Variants in TPCN2 observed in about 807,000 individuals in gnomAD.
TPCN2 encodes the protein two pore segment channel 2.
TPCN2 carries 92 observed loss-of-function variants against 111.4 expected under a neutral mutation model. The ratio of observed to expected loss-of-function variants is 0.83; its 90% CI spans 0.70 to 0.98. The LOEUF (loss-of-function observed/expected upper bound fraction) is 0.98. Among genes scored for constraint, TPCN2 ranks in the 50% least tolerant of loss-of-function variants. The pLI is 0.00. For synonymous variants in TPCN2, 405 were observed against 414.5 expected, an observed-to-expected ratio of 0.98 and a Z score of 0.28; for missense variants, 995 against 980.1, an observed-to-expected ratio of 1.02 and a Z score of -0.20.
chr11:69,082,120 C>T (rs1236588875), intron 18 of TPCN2, among the ~76,000 whole-genome samples: 1 of 152,224 alleles, frequency 6.6e-6, no homozygotes, highest in Non-Finnish European at 1.5e-5. Flanking sequence ...GCACCTGTCC[C>T]ACCTGACAGT....
At chr11:69,060,691 TG>T (rs919852171) in intron 5 of TPCN2, among the ~76,000 whole-genome samples, 7 of 152,074 alleles carry the variant, frequency 4.6e-5, no homozygotes, top group African/African-American at 1.7e-4. Context: ...CTCTTGTGTC[TG>T]GGGAAGCTGT....
At chr11:69,054,498 C>T (rs1854653711) in intron 2 of TPCN2, 1 of 582,986 alleles carries the variant, frequency 1.7e-6, no homozygotes, top group Non-Finnish European at 3.1e-6. Context: ...ACGCACCCAC[C>T]CACCCCGGGT....
At chr11:69,062,408 T>C (rs1006306225) in intron 5 of TPCN2, among the ~76,000 whole-genome samples, 15 of 149,336 alleles carry the variant, frequency 1.0e-4, no homozygotes, top group African/African-American at 3.5e-4. Flanking sequence ...GTGGGGCTCC[T>C]GGAGGCAGGG....
intron 13 of TPCN2, among the ~76,000 whole-genome samples, chr11:69,074,176 T>G (rs1472297417): frequency 6.6e-6 from 1 of 152,180 alleles, no homozygotes; most frequent in East Asian, 1.9e-4. Context: ...CAGAGGTGGT[T>G]CTCTAAAAAA....
Position 69,054,027 on chromosome 11 carries a change from C to T in TPCN2, c.110-6C>T, listed in dbSNP as rs781452582. Reference sequence around the variant, plus strand: ...CGGTCACCTGATGTGTCCCCTCTGCCTGCAGGTGCCGCGGCCAGGTGGGAC... The same window carrying T: ...CGGTCACCTGATGTGTCCCCTCTGCTTGCAGGTGCCGCGGCCAGGTGGGAC... On this transcript the variant is annotated splice_polypyrimidine_tract_variant and splice_region_variant and intron_variant, in intron 1 of 24. Coordinates refer to ENST00000294309, the MANE Select transcript of TPCN2 (RefSeq NM_139075.4). 1 of 1,613,564 alleles carries T rather than the reference C, an allele frequency of 6.2e-7. No individual in the cohort carries two copies. The highest frequency in any genetic ancestry group is 8.5e-7 in the Non-Finnish European group (1 of 1,179,728).
intron 1 of TPCN2, among the ~76,000 whole-genome samples, chr11:69,050,776 G>A (rs1363471269): frequency 6.6e-6 from 1 of 152,252 alleles, no homozygotes. Flanking sequence ...TTTGTCCTCA[G>A]CACAGGGCCC....
chr11:69,076,206 C>G (rs1298894505), intron 13 of TPCN2, among the ~76,000 whole-genome samples: 1 of 152,094 alleles, frequency 6.6e-6, no homozygotes, highest in Non-Finnish European at 1.5e-5. Flanking sequence ...GTGGTTTTGC[C>G]CACAGGAATG....
chr11:69,078,764 C>T lies in TPCN2; in HGVS notation c.1381C>T (p.Pro461Ser). ...CCTGGTGCTGGATGCAGATGTGCTG[C>T]CTGCTGAGCGTGATGACTTCATCCT... ...VFLVLDADVL[P>S]AERDDFILGI... The change falls in exon 15 of 25, where the codon CCT becomes TCT. Residue 461 changes from proline to serine, a missense_variant. Transcript: ENST00000294309. 6.2e-7 allele frequency: 1 copy of T among 1,614,036 alleles called. No homozygotes were observed. Among genetic ancestry groups the T allele is most frequent in the Non-Finnish European group, 8.5e-7 (1 of 1,180,038 alleles).
rs1861300563 is a variant in TPCN2 at position 69,053,018 on chromosome 11, C to A, written c.110-1015C>A. Among the ~76,000 whole-genome samples, 2 of 152,184 alleles carry A rather than the reference C, an allele frequency of 1.3e-5. 1 individual carries two copies. Among genetic ancestry groups the A allele is most frequent in the South Asian group, 4.1e-4 (2 of 4,832 alleles). On this transcript the variant is annotated intron_variant, in intron 1 of 24. Transcript: ENST00000294309. ...GCAGCGAGGCCAGAGGTGGCCCGTG[C>A]CTACGATGCGGGTGGGTGGCCCAGG...
chr11:69,053,947 C>T lies in TPCN2; in HGVS notation c.110-86C>T, dbSNP rs149450517. 2,503 of 1,187,574 alleles carry T rather than the reference C, an allele frequency of 2.1e-3. 6 individuals carry two copies. The highest frequency in any genetic ancestry group is 2.7e-3 in the Non-Finnish European group (2,236 of 813,372). 73.6% of individuals were successfully genotyped at this position (1,187,574 alleles called of 1,614,324 possible). A position where few individuals can be genotyped will look rare whatever the true frequency, so the allele number is the denominator to read the frequency against. On this transcript the variant is annotated intron_variant, in intron 1 of 24. Coordinates refer to ENST00000294309, the MANE Select transcript of TPCN2 (RefSeq NM_139075.4). ...AAACGGCCTTGGGAAGAACCACAGC[C>T]GGCATCTTTCCTTGATCACGGGTAT...
At chr11:69,072,826 T>C (rs773906630) in intron 12 of TPCN2, 89 bp from the exon 13 acceptor site, 169 of 1,524,236 alleles carry the variant, frequency 1.1e-4, no homozygotes, top group Non-Finnish European at 1.5e-4. Flanking sequence ...TCACAGCCCG[T>C]CAGGGTGGGG....
Position 69,087,124 on chromosome 11 carries a change from A to C in TPCN2, c.2098A>C (p.Lys700Gln). The change falls in exon 24 of 25, where the codon AAG becomes CAG. Residue 700 changes from lysine (K) to glutamine (Q), a missense_variant. Lys to Gln is a moderately conservative substitution (Grantham distance 53). Transcript: ENST00000294309. ...TCCTGCTTGCCAGAACTTCCTTCAC[A>C]AGTGGGACCCCCGCAGCCACCTGCA... ...LALILENFLHKWDPRSHLQPL... is the reference protein window; with the variant it reads ...LALILENFLHQWDPRSHLQPL... 3 of 1,613,710 alleles carry C rather than the reference A, an allele frequency of 1.9e-6. No homozygotes were observed. The highest frequency in any genetic ancestry group is 1.1e-5 in the South Asian group (1 of 91,056).
chr11:69,081,698 C>T (rs28687119), intron 18 of TPCN2, among the ~76,000 whole-genome samples, 199 bp downstream of exon 18: 375 of 152,310 alleles, frequency 2.5e-3, no homozygotes, highest in African/African-American at 8.3e-3. Context: ...CCCAGCCCTG[C>T]ATTTCTGGGT....
At chr11:69,063,488 C>A (rs1855115582) in intron 6 of TPCN2, among the ~76,000 whole-genome samples, 1 of 152,116 alleles carries the variant, frequency 6.6e-6, no homozygotes, top group Non-Finnish European at 1.5e-5. Context: ...AGCCTCGGCT[C>A]ACCCCTGGTC....
intron 10 of TPCN2, 57 bp from the exon 11 acceptor site, chr11:69,071,866 G>A (rs10896415): frequency 0.31 from 471,168 of 1,517,702 alleles, 79,501 homozygotes; most frequent in Non-Finnish European, 0.36. Context: ...GGGAAGGGTC[G>A]GGGGTTCTGA....
In TPCN2 at chr11:69,055,039, G is replaced by A. The variant is rs142015442; in HGVS notation, c.252-136G>A. ...CGGCAATGGAGCTTTGAGCAGATTC[G>A]TGATCTCCCCAGTCACGAGTGTCCA... On this transcript the variant is annotated intron_variant, in intron 3 of 24. Coordinates refer to ENST00000294309, the MANE Select transcript of TPCN2 (RefSeq NM_139075.4). 2.5e-5 allele frequency: 25 copies of A among 1,001,304 alleles called. No individual in the cohort carries two copies. The East Asian group carries it at 4.3e-4, about 17-fold the overall frequency. 62.0% of individuals were successfully genotyped at this position (1,001,304 alleles called of 1,614,324 possible). A position where few individuals can be genotyped will look rare whatever the true frequency, so the allele number is the denominator to read the frequency against.
chr11:69,054,042 C>T lies in TPCN2; in HGVS notation c.119C>T (p.Ala40Val). The change falls in exon 2 of 25, where the codon GCC (alanine) becomes GTC (valine). Residue 40 changes from alanine to valine, a missense_variant. By Grantham distance (64) the Ala-to-Val change is moderately conservative. Coordinates refer to ENST00000294309, the MANE Select transcript of TPCN2 (RefSeq NM_139075.4). ...TCCCCTCTGCCTGCAGGTGCCGCGG[C>T]CAGGTGGGACCTCTGCATTGATCAG... is the stretch of plus-strand genomic sequence containing the variant. Reference protein sequence around the residue: ...RSIQVGPGAAARWDLCIDQAV... With the variant: ...RSIQVGPGAAVRWDLCIDQAV... The T allele has an allele frequency of 6.2e-7, 1 of 1,613,810 alleles. No individual in the cohort carries two copies. Among genetic ancestry groups the T allele is most frequent in the South Asian group, 1.1e-5 (1 of 91,076 alleles).
intron 13 of TPCN2, 93 bp from the exon 14 acceptor site, chr11:69,078,389 T>G: frequency 1.3e-6 from 2 of 1,527,476 alleles, no homozygotes; most frequent in South Asian, 2.5e-5. Context: ...TAGGAAAAAA[T>G]CAAATCCCAG....
At chr11:69,056,519 G>T (rs1169143230) in intron 4 of TPCN2, among the ~76,000 whole-genome samples, 1 of 152,114 alleles carries the variant, frequency 6.6e-6, no homozygotes, top group Non-Finnish European at 1.5e-5. Context: ...ACCTCTGGGG[G>T]CTGTCTTTTA....
Sources: gnomAD v4.1 joint callset for allele counts (sites outside exome capture counted in the v4.1 genomes callset) on GRCh38, gnomAD v4.1.1 for gene constraint, MANE v1.5 for transcripts, NCBI Gene and HGNC (gene_info 2026-07-23, HGNC 2026-07-21) for gene names.